HYAL4: variants seen among roughly 807,000 people sequenced by gnomAD.
HYAL4 encodes the protein hyaluronidase-4.
A neutral mutation model predicts 35.2 loss-of-function variants in HYAL4; 37 were observed. The ratio of observed to expected loss-of-function variants is 1.05; its 90% CI spans 0.81 to 1.38. The LOEUF is 1.38. HYAL4 is among the 40% of genes most tolerant of loss of function. HYAL4 has a pLI of 0.00. For missense variants in HYAL4, 572 were observed against 572.4 expected (o/e 1.00, Z 0.01); for synonymous variants, 198 against 203.2 (o/e 0.97, Z 0.22).
intron 1 of HYAL4, among the ~76,000 whole-genome samples, chr7:123,836,979 G>C (rs1164701298): frequency 1.3e-5 from 2 of 151,870 alleles, no homozygotes; most frequent in African/African-American, 4.8e-5. Flanking sequence ...AGTGAGCCAA[G>C]GTTGCACTAC....
chr7:123,792,836 G>C, the HYAL4 span, among the ~76,000 whole-genome samples: 22 of 152,260 alleles, frequency 1.4e-4, no homozygotes, highest in South Asian at 4.1e-4. Flanking sequence ...TGCTCAGGGG[G>C]AAGGGAGTAA....
At chr7:123,813,482 T>G in the HYAL4 span, among the ~76,000 whole-genome samples, 2 of 150,638 alleles carry the variant, frequency 1.3e-5, no homozygotes, top group African/African-American at 4.9e-5. Flanking sequence ...AATAGGATTT[T>G]AGGCTTGTTT....
At chr7:123,825,238 A>G (rs1805788867), upstream of HYAL4, among the ~76,000 whole-genome samples, 1 of 152,142 alleles carries the variant, frequency 6.6e-6, no homozygotes, top group Admixed American at 6.6e-5. Flanking sequence ...ATGGTGTAAC[A>G]GGTTTCCCCT....
At chr7:123,851,023 TAAAA>T (rs961982244) in intron 2 of HYAL4, among the ~76,000 whole-genome samples, 2 of 152,182 alleles carry the variant, frequency 1.3e-5, no homozygotes, top group Admixed American at 6.5e-5. Context: ...TTTAAAGAAT[TAAAA>T]AATATTTGTA....
chr7:123,829,209 G>A (rs1363113503), intron 1 of HYAL4: 1 of 152,434 alleles, frequency 6.6e-6, no homozygotes, highest in African/African-American at 2.4e-5. Context: ...ATGAAGAATG[G>A]ATTTGTGTGT....
chr7:123,764,844 C>T, the HYAL4 span, among the ~76,000 whole-genome samples: 2 of 152,162 alleles, frequency 1.3e-5, no homozygotes, highest in Non-Finnish European at 2.9e-5. Context: ...CTACCAGCTT[C>T]CACTCCAGTT....
At chr7:123,810,686 A>G in the HYAL4 span, among the ~76,000 whole-genome samples, 1 of 152,188 alleles carries the variant, frequency 6.6e-6, no homozygotes, top group Non-Finnish European at 1.5e-5. Flanking sequence ...TCCAATGCCT[A>G]TAGTTTACAT....
At chr7:123,835,038 T>A (rs1805943870) in intron 1 of HYAL4, among the ~76,000 whole-genome samples, 1 of 152,098 alleles carries the variant, frequency 6.6e-6, no homozygotes. Flanking sequence ...GGTCTGTAGT[T>A]TGTTTTTTTT....
the HYAL4 span, among the ~76,000 whole-genome samples, chr7:123,803,378 A>G: frequency 6.6e-6 from 1 of 152,250 alleles, no homozygotes; most frequent in East Asian, 1.9e-4. Context: ...TGATTTACTC[A>G]TAAACCCCTT....
chr7:123,843,676 C>T (rs186668626), upstream of HYAL4, among the ~76,000 whole-genome samples: 1,281 of 152,104 alleles, frequency 8.4e-3, 19 homozygotes, highest in Non-Finnish European at 0.012. Context: ...TCCCATATTT[C>T]TTGGAGGCTT....
the HYAL4 span, among the ~76,000 whole-genome samples, chr7:123,791,847 A>T: frequency 3.9e-5 from 6 of 152,198 alleles, no homozygotes; most frequent in African/African-American, 1.4e-4. Flanking sequence ...TTAATGGCCA[A>T]TTCTCATCTG....
At chr7:123,847,028 G>C (rs995811143) in intron 1 of HYAL4, among the ~76,000 whole-genome samples, 1 of 152,154 alleles carries the variant, frequency 6.6e-6, no homozygotes. Flanking sequence ...GCTTCCTTCA[G>C]ATGGTCTGTG....
upstream of HYAL4, among the ~76,000 whole-genome samples, chr7:123,828,375 A>G (rs976787312): frequency 2.0e-5 from 3 of 151,908 alleles, no homozygotes; most frequent in African/African-American, 7.2e-5. Context: ...ACATGATTAT[A>G]TATACGTAAA....
chr7:123,873,110 C>T (rs1200826205), intron 3 of HYAL4, among the ~76,000 whole-genome samples: 1 of 152,108 alleles, frequency 6.6e-6, no homozygotes, highest in Admixed American at 6.5e-5. Context: ...TCCCTTATGT[C>T]TTTGCCCAAA....
At chr7:123,780,152 G>GAAAT in the HYAL4 span, among the ~76,000 whole-genome samples, 1 of 152,092 alleles carries the variant, frequency 6.6e-6, no homozygotes, top group East Asian at 1.9e-4. Context: ...TGTAGATCTT[G>GAAAT]AAATGTGACA....
chr7:123,835,481 G>A (rs779171401), intron 1 of HYAL4, among the ~76,000 whole-genome samples: 9 of 151,862 alleles, frequency 5.9e-5, no homozygotes, highest in Non-Finnish European at 1.3e-4. Context: ...TTCTTTTCTC[G>A]ATAATCTTGC....
At chr7:123,813,944 A>C in the HYAL4 span, among the ~76,000 whole-genome samples, 1 of 152,184 alleles carries the variant, frequency 6.6e-6, no homozygotes, top group East Asian at 1.9e-4. Flanking sequence ...AACTTTTTAT[A>C]GTTTTTATTG....
the HYAL4 span, among the ~76,000 whole-genome samples, chr7:123,804,255 C>T: frequency 6.6e-6 from 1 of 152,092 alleles, no homozygotes; most frequent in African/African-American, 2.4e-5. Context: ...CTTGACTTTA[C>T]CCACCATTGG....
chr7:123,816,253 C>T, the HYAL4 span, among the ~76,000 whole-genome samples: 7 of 152,164 alleles, frequency 4.6e-5, no homozygotes, highest in Admixed American at 1.3e-4. Flanking sequence ...TCTGGTGCAA[C>T]ATAGAATACA....
Sources: allele counts gnomAD v4.1 joint callset (sites outside exome capture counted in the v4.1 genomes callset), GRCh38; gene constraint gnomAD v4.1.1; transcripts MANE v1.5; gene names NCBI Gene and HGNC (gene_info 2026-07-23, HGNC 2026-07-21).